Variants in WNK2 observed in about 807,000 individuals in gnomAD.
WNK2 encodes serine/threonine-protein kinase WNK2.
Under a neutral mutation model 192.1 loss-of-function variants are expected in WNK2, and 67 were observed. That is an observed-to-expected ratio of 0.35 (90% confidence interval 0.29 to 0.43). The LOEUF is 0.43. Among genes scored for constraint, WNK2 ranks in the 20% least tolerant of loss-of-function variants. The probability of loss-of-function intolerance (pLI) is 1.00; values close to 1 mark genes in which losing one functional copy is unlikely to be tolerated. For missense variants in WNK2, 2,698 were observed against 3,089.7 expected, an observed-to-expected ratio of 0.87 and a Z score of 3.01; for synonymous variants, 1,439 against 1,393.9, an observed-to-expected ratio of 1.03 and a Z score of -0.72.
At chr9:93,201,848 A>G (rs1292393314) in intron 2 of WNK2, among the ~76,000 whole-genome samples, 2 of 152,238 alleles carry the variant, frequency 1.3e-5, no homozygotes, top group African/African-American at 2.4e-5. Context: ...GTGACATTGG[A>G]ACGTTCCAGC....
At chr9:93,212,429 G>A (rs939892885) in intron 2 of WNK2, among the ~76,000 whole-genome samples, 3 of 152,160 alleles carry the variant, frequency 2.0e-5, no homozygotes, top group African/African-American at 7.2e-5. Flanking sequence ...GCTGACAGAT[G>A]ACTACTCACC....
intron 23 of WNK2, among the ~76,000 whole-genome samples, chr9:93,295,446 C>T (rs1275123446): frequency 6.6e-6 from 1 of 151,728 alleles, no homozygotes; most frequent in African/African-American, 2.4e-5. Flanking sequence ...TAGAGGAAGT[C>T]ATTAAAAAAA....
At chr9:93,317,696 G>C in intron 29 of WNK2, 65 bp downstream of exon 29, 8 of 1,557,592 alleles carry the variant, frequency 5.1e-6, no homozygotes, top group Non-Finnish European at 7.0e-6. Context: ...ACAGAGGCCT[G>C]CTCCCAGCTC....
intron 29 of WNK2, chr9:93,317,945 G>T: frequency 6.2e-7 from 1 of 1,611,272 alleles, no homozygotes. Flanking sequence ...GCCTGCTGTG[G>T]GCACAGCACT....
chr9:93,230,166 G>A (rs940809670), intron 3 of WNK2, among the ~76,000 whole-genome samples: 2 of 152,154 alleles, frequency 1.3e-5, no homozygotes, highest in Non-Finnish European at 2.9e-5. Flanking sequence ...GGGGACTGTG[G>A]GATTCTGAGG....
At chr9:93,288,421 G>C (rs1054209891) in intron 19 of WNK2, among the ~76,000 whole-genome samples, 8 of 152,250 alleles carry the variant, frequency 5.3e-5, no homozygotes, top group African/African-American at 1.7e-4. Context: ...TCTTTCTGGA[G>C]CTGTCTGTGC....
At chr9:93,288,018 C>T (rs1848701636) in intron 19 of WNK2, among the ~76,000 whole-genome samples, 1 of 152,170 alleles carries the variant, frequency 6.6e-6, no homozygotes, top group Non-Finnish European at 1.5e-5. Context: ...TGCACTCCAG[C>T]CTGGGTGACA....
intron 2 of WNK2, among the ~76,000 whole-genome samples, chr9:93,214,595 C>T (rs1473195697): frequency 5.9e-5 from 9 of 151,862 alleles, no homozygotes; most frequent in Admixed American, 1.3e-4. Flanking sequence ...TGAGCCACCA[C>T]GCCTGGCCTC....
Position 93,268,587 on chromosome 9 carries a change from GCTCA to G in WNK2, c.3914-31_3914-28del, listed in dbSNP as rs752926223. On this transcript the variant is annotated intron_variant, in intron 18 of 29. Coordinates refer to ENST00000427277, the MANE Select transcript of WNK2 (RefSeq NM_006648.4). ...GGGGGTCACACTGGCCTGGAAAGGC[GCTCA>G]CTCACTCAGCGTGCTGTTTCTGTTC... 222 of 1,583,388 alleles carry G rather than the reference GCTCA, an allele frequency of 1.4e-4. No individual in the cohort carries two copies. The Middle Eastern group carries it at 2.2e-3, about 16-fold the overall frequency.
chr9:93,289,252 C>T lies in WNK2; in HGVS notation c.4498C>T (p.Leu1500Phe). The T allele has an allele frequency of 6.2e-7, 1 of 1,603,908 alleles. No homozygotes were observed. The highest frequency in any genetic ancestry group is 2.2e-5 in the East Asian group (1 of 44,564). The change falls in exon 20 of 30, where the codon CTT becomes TTT. Residue 1500 changes from leucine (L) to phenylalanine (F), a missense_variant. Coordinates refer to ENST00000427277, the MANE Select transcript of WNK2 (RefSeq NM_006648.4). ...QPALGQPAPL[L>F]PAAVGAVSLA... Reference sequence around the variant, plus strand: ...CGCCTTGGGTCAACCTGCTCCCCTGCTTCCTGCCGCAGTGGGGGCCGTCAG... The same window carrying T: ...CGCCTTGGGTCAACCTGCTCCCCTGTTTCCTGCCGCAGTGGGGGCCGTCAG...
chr9:93,305,788 G>A (rs112187942), intron 26 of WNK2, among the ~76,000 whole-genome samples: 79 of 152,060 alleles, frequency 5.2e-4, no homozygotes, highest in African/African-American at 1.7e-3. Context: ...CGGGAACAGC[G>A]CTGAGGAGCG....
At chr9:93,317,170 A>G in intron 28 of WNK2, 1 of 401,096 alleles carries the variant, frequency 2.5e-6, no homozygotes. Flanking sequence ...CTGACCAGCC[A>G]AGCAGGAGGG....
At position 93,234,962 on chromosome 9, in the gene WNK2, C is replaced by A. The variant is rs149312859; in HGVS notation, c.1230C>A (p.Thr410=). Residue 410 remains threonine (T), a synonymous_variant, in exon 5 of 30, where the codon ACC becomes ACA. Transcript: ENST00000427277. ...QNAAQIYRKV[T]CGIKPASFEK... Reference sequence around the variant, plus strand: ...CGGCCCAGATCTACCGCAAGGTCACCTGTGTGAGTCCACCTGGCCCCTTGG... The same window carrying A: ...CGGCCCAGATCTACCGCAAGGTCACATGTGTGAGTCCACCTGGCCCCTTGG... The A allele has an allele frequency of 2.5e-6, 4 of 1,614,046 alleles. No individual in the cohort carries two copies. In the South Asian group the frequency reaches 4.4e-5, roughly 18 times the overall value.
In WNK2 at chr9:93,259,052, C is replaced by T; in HGVS notation, c.2504C>T (p.Ser835Phe). The change falls in exon 12 of 30, where the codon TCT becomes TTT. Residue 835 changes from serine (S) to phenylalanine (F), a missense_variant. Ser to Phe is a radical substitution (Grantham distance 155). Around this residue, in one of 7 missense-constraint regions of WNK2, gnomAD observed 893 missense variants for 909.0 expected, o/e 0.98. Transcript: ENST00000427277. The surrounding 1 kb of genome is among the most constrained non-coding windows in gnomAD (Gnocchi z 4.8). ...CCCGTGCCACCACCTCAGTATTTCT[C>T]TCCAGCCGTGATCTTGCCGAGCCTC... ...VPPVPPPQYF[S>F]PAVILPSLAA... 1 of 1,613,112 alleles carries T rather than the reference C, an allele frequency of 6.2e-7. No individual in the cohort carries two copies. Among genetic ancestry groups the T allele is most frequent in the Non-Finnish European group, 8.5e-7 (1 of 1,179,778 alleles).
intron 9 of WNK2, among the ~76,000 whole-genome samples, chr9:93,254,463 C>G (rs1843000799): frequency 6.6e-6 from 1 of 152,210 alleles, no homozygotes; most frequent in Non-Finnish European, 1.5e-5. Context: ...GCTGGCTGCC[C>G]TGCTGCACCC....
At chr9:93,298,944 T>C (rs1026532334) in intron 24 of WNK2, 126 bp from the exon 25 acceptor site, 2 of 955,778 alleles carry the variant, frequency 2.1e-6, no homozygotes, top group Non-Finnish European at 3.0e-6. Flanking sequence ...CATGTGCCTG[T>C]GGTCTGCAGG....
intron 2 of WNK2, among the ~76,000 whole-genome samples, chr9:93,212,832 C>G (rs996608802): frequency 5.3e-5 from 8 of 152,186 alleles, no homozygotes; most frequent in Admixed American, 5.2e-4. Flanking sequence ...TTCTTCATCT[C>G]TGGGTGTGAG....
At chr9:93,191,406 G>C (rs903077924) in intron 2 of WNK2, among the ~76,000 whole-genome samples, 2 of 152,090 alleles carry the variant, frequency 1.3e-5, no homozygotes, top group East Asian at 3.9e-4. Flanking sequence ...CTAGACCTGG[G>C]GTACCATAGT....
chr9:93,274,167 C>T (rs566762250), intron 19 of WNK2, among the ~76,000 whole-genome samples: 11 of 152,272 alleles, frequency 7.2e-5, no homozygotes, highest in African/African-American at 2.6e-4. Context: ...TTTTTAAAAA[C>T]GTTAGTAAAA....
Sources: allele counts gnomAD v4.1 joint callset (sites outside exome capture counted in the v4.1 genomes callset), GRCh38; gene constraint gnomAD v4.1.1; regional missense constraint gnomAD v4.1.1; non-coding constraint Gnocchi (gnomAD v3.1); transcripts MANE v1.5; gene names NCBI Gene and HGNC (gene_info 2026-07-23, HGNC 2026-07-21).